CNOT2: variants seen among roughly 807,000 people sequenced by gnomAD.
CNOT2 encodes CC chemokine receptor 4-negative regulator of transcription 2.
CNOT2 carries 7 observed loss-of-function variants against 72.1 expected under a neutral mutation model. The ratio of observed to expected loss-of-function variants is 0.10; its 90% CI spans 0.06 to 0.18. The LOEUF (loss-of-function observed/expected upper bound fraction) is 0.18, where lower values mean the gene tolerates loss of function less well. Among genes scored for constraint, CNOT2 ranks in the 10% least tolerant of loss-of-function variants. The pLI is 1.00. For missense variants in CNOT2, 345 were observed against 660.3 expected, an observed-to-expected ratio of 0.52 and a Z score of 5.23; for synonymous variants, 196 against 225.6, an observed-to-expected ratio of 0.87 and a Z score of 1.17.
chr12:70,338,502 TAAA>T lies in CNOT2; in HGVS notation c.962_964del (p.Lys321del). 1 of 1,613,304 alleles carries T rather than the reference TAAA, an allele frequency of 6.2e-7. No homozygotes were observed. Among genetic ancestry groups the T allele is most frequent in the East Asian group, 2.2e-5 (1 of 44,832 alleles). ...CAGATGGACCCAAATTCCCTGGAGA[TAAA>T]AGTTCAACAACACAAAATAATAACC... On this transcript the variant is annotated inframe_deletion, in exon 10 of 16. Transcript: ENST00000229195.
chr12:70,257,756 CACTAG>C (rs1958532487), intron 1 of CNOT2, among the ~76,000 whole-genome samples: 1 of 152,048 alleles, frequency 6.6e-6, no homozygotes, highest in South Asian at 2.1e-4. Flanking sequence ...TTCATTCCAC[CACTAG>C]ATCATGAGTA....
At chr12:70,325,833 T>C (rs1878992138) in intron 4 of CNOT2, among the ~76,000 whole-genome samples, 1 of 151,860 alleles carries the variant, frequency 6.6e-6, no homozygotes, top group South Asian at 2.1e-4. Context: ...TACTCTCTCC[T>C]GCCCCTATAA....
chr12:70,264,959 A>G (rs750795278), intron 1 of CNOT2, among the ~76,000 whole-genome samples: 2 of 151,964 alleles, frequency 1.3e-5, no homozygotes, highest in African/African-American at 2.4e-5. Flanking sequence ...TTGAATTTTG[A>G]CAATTAAGTC....
chr12:70,336,349 GC>G (rs2136046572), intron 8 of CNOT2: 1 of 152,200 alleles, frequency 6.6e-6, no homozygotes, highest in South Asian at 2.1e-4. Flanking sequence ...GGAAACATAT[GC>G]AATAACAATA....
intron 1 of CNOT2, among the ~76,000 whole-genome samples, chr12:70,246,209 A>G (rs1957868974): frequency 6.6e-6 from 1 of 152,180 alleles, no homozygotes; most frequent in Admixed American, 6.5e-5. Flanking sequence ...GGTAAATAAT[A>G]GCTTTTTTTT....
intron 2 of CNOT2, chr12:70,307,791 T>C (rs1439572139): frequency 1.3e-5 from 2 of 152,038 alleles, no homozygotes; most frequent in Non-Finnish European, 2.9e-5. Flanking sequence ...CAACTACTAC[T>C]CACCACCCTA....
chr12:70,264,695 A>G (rs1238107225), intron 1 of CNOT2, among the ~76,000 whole-genome samples: 1 of 152,154 alleles, frequency 6.6e-6, no homozygotes, highest in East Asian at 1.9e-4. Flanking sequence ...TTGACTGGAA[A>G]CTAGGCAGGG....
At chr12:70,326,696 GT>G (rs942738026) in intron 4 of CNOT2, among the ~76,000 whole-genome samples, 3 of 151,748 alleles carry the variant, frequency 2.0e-5, no homozygotes, top group Admixed American at 2.0e-4. Flanking sequence ...AAGAAATTCA[GT>G]TTTTAAAATA....
In CNOT2 at chr12:70,249,710, A is replaced by C. The variant is rs545411991; in HGVS notation, c.-96+6230A>C. On this transcript the variant is annotated intron_variant, in intron 1 of 15. Transcript: ENST00000229195. ...TTGTTTCAAGCTTGACTTTTCTGAC[A>C]ATATCCAACAGCTGCTCATATTTTT... Among the ~76,000 whole-genome samples the C allele has an allele frequency of 2.0e-5, 3 of 152,246 alleles. No homozygotes were observed. The East Asian group carries it at 5.8e-4, about 29-fold the overall frequency.
chr12:70,320,979 T>C (rs1302250394), intron 4 of CNOT2, among the ~76,000 whole-genome samples: 2 of 151,896 alleles, frequency 1.3e-5, no homozygotes, highest in African/African-American at 4.8e-5. Context: ...CAGACATTTA[T>C]GTTTTTGTTT....
intron 1 of CNOT2, among the ~76,000 whole-genome samples, chr12:70,247,811 A>G (rs1957952896): frequency 6.6e-6 from 1 of 152,212 alleles, no homozygotes. Flanking sequence ...AACTGTTGCT[A>G]GATTGTCATT....
At chr12:70,339,238 C>T (rs1433849559) in intron 11 of CNOT2, among the ~76,000 whole-genome samples, 1 of 151,898 alleles carries the variant, frequency 6.6e-6, no homozygotes, top group East Asian at 1.9e-4. Context: ...ACTGCAGTCT[C>T]TCAATTTTAA....
chr12:70,326,021 A>G (rs1879019179), intron 4 of CNOT2, among the ~76,000 whole-genome samples: 1 of 151,052 alleles, frequency 6.6e-6, no homozygotes, highest in Admixed American at 6.6e-5. Context: ...GGAAATAATT[A>G]ATGGAATAAT....
intron 6 of CNOT2, 39 bp from the exon 7 acceptor site, chr12:70,332,728 T>A: frequency 6.4e-7 from 1 of 1,561,186 alleles, no homozygotes. Context: ...AAAGTTAGTG[T>A]TCTTACTGTA....
At chr12:70,317,348 C>T (rs1185650900) in intron 3 of CNOT2, among the ~76,000 whole-genome samples, 1 of 151,900 alleles carries the variant, frequency 6.6e-6, no homozygotes, top group Non-Finnish European at 1.5e-5. Context: ...AACCTTTTAC[C>T]TTCTGTGATC....
chr12:70,347,045 C>T (rs1882268447), intron 15 of CNOT2, among the ~76,000 whole-genome samples: 1 of 137,364 alleles, frequency 7.3e-6, no homozygotes, highest in South Asian at 2.2e-4. Flanking sequence ...TTATTCTCCA[C>T]ATTATCTGAT....
At chr12:70,255,856 CAT>C (rs1460305390) in intron 1 of CNOT2, among the ~76,000 whole-genome samples, 2 of 152,022 alleles carry the variant, frequency 1.3e-5, no homozygotes, top group Admixed American at 6.5e-5. Context: ...ATTTATAAAA[CAT>C]ATTTGTAATA....
intron 1 of CNOT2, among the ~76,000 whole-genome samples, chr12:70,254,628 C>T (rs1409111460): frequency 6.6e-6 from 1 of 152,132 alleles, no homozygotes; most frequent in African/African-American, 2.4e-5. Flanking sequence ...TTCATTTTTA[C>T]CTGGTGATGC....
At chr12:70,310,820 T>C (rs1876321186) in intron 2 of CNOT2, 75 bp from the exon 3 acceptor site, 1 of 1,310,742 alleles carries the variant, frequency 7.6e-7, no homozygotes, top group Non-Finnish European at 1.1e-6. Context: ...CATGTTCTGT[T>C]TTCCACATAG....
Sources: allele counts gnomAD v4.1 joint callset (sites outside exome capture counted in the v4.1 genomes callset), GRCh38; gene constraint gnomAD v4.1.1; transcripts MANE v1.5; gene names NCBI Gene and HGNC (gene_info 2026-07-23, HGNC 2026-07-21).